Variants in PLA2G2F observed in about 807,000 individuals in gnomAD.
The protein encoded by PLA2G2F is phospholipase A2 group IIF, also known as group IIF secretory phospholipase A2.
A neutral mutation model predicts 15.9 loss-of-function variants in PLA2G2F; 17 were observed. That is an observed-to-expected ratio of 1.07 (90% CI 0.73 to 1.60). PLA2G2F has a LOEUF of 1.60. Ranked by LOEUF, PLA2G2F falls within the 40% of genes most tolerant of loss-of-function variation. The probability of loss-of-function intolerance (pLI) is 0.00; values close to 1 mark genes in which losing one functional copy is unlikely to be tolerated. For missense variants in PLA2G2F, 299 were observed against 278.2 expected, an observed-to-expected ratio of 1.07 and a Z score of -0.53; for synonymous variants, 119 against 106.5, an observed-to-expected ratio of 1.12 and a Z score of -0.72.
In PLA2G2F at chr1:20,143,675, G is replaced by C. The variant is rs1196813851; in HGVS notation, c.314+85G>C. The C allele has an allele frequency of 3.3e-6, 5 of 1,500,972 alleles. No individual in the cohort carries two copies. The Admixed American group carries it at 6.1e-5, about 18-fold the overall frequency. 93.0% of individuals were successfully genotyped at this position (1,500,972 alleles called of 1,614,324 possible). On this transcript the variant is annotated intron_variant, in intron 3 of 4. Transcript: ENST00000375102. The stretch of plus-strand genomic sequence containing the variant: ...CTGACCTTGCCCTCCATCCCTGAGT[G>C]GGGGAGACCTTCTTTCCCCAAAGGA...
At chr1:20,148,126 C>A in intron 4 of PLA2G2F, 64 bp from the exon 5 acceptor site, 1 of 1,317,156 alleles carries the variant, frequency 7.6e-7, no homozygotes. Flanking sequence ...CCTTCCCCAG[C>A]AGTAGTCCTG....
chr1:20,143,397 C>G (rs574751791), intron 2 of PLA2G2F, 49 bp from the exon 3 acceptor site: 6 of 1,591,226 alleles, frequency 3.8e-6, no homozygotes, highest in Admixed American at 1.7e-5. Context: ...AGGCTGGGAG[C>G]GGCCAGCCCC....
rs1278447696 is a variant in PLA2G2F, at chr1:20,140,236, A to G, written c.169+18A>G. The G allele has an allele frequency of 6.2e-7, 1 of 1,612,224 alleles. No homozygotes were observed. Among genetic ancestry groups the G allele is most frequent in the Non-Finnish European group, 8.5e-7 (1 of 1,178,960 alleles). On this transcript the variant is annotated intron_variant, in intron 2 of 4. Coordinates refer to ENST00000375102, the MANE Select transcript of PLA2G2F (RefSeq NM_022819.4). Reference sequence around the variant, plus strand: ...TGGCAGCGGTGAGTAAAGACTCCAGAGGGCTCCTCCTTCTCTCCCACTCCC... The same window carrying G: ...TGGCAGCGGTGAGTAAAGACTCCAGGGGGCTCCTCCTTCTCTCCCACTCCC...
chr1:20,139,606 T>C, intron 1 of PLA2G2F, 63 bp downstream of exon 1: 2 of 1,244,584 alleles, frequency 1.6e-6, no homozygotes, highest in Non-Finnish European at 2.2e-6. Context: ...CGTGAGGGAC[T>C]GGCTCCTAGA....
At chr1:20,143,655 C>T (rs6657574) in intron 3 of PLA2G2F, 65 bp downstream of exon 3, 225,105 of 1,571,670 alleles carry the variant, frequency 0.14, 17,263 homozygotes, top group Non-Finnish European at 0.16. Context: ...TCAGACTGAC[C>T]TTGCCCTCCA....
rs1245665517 is a variant in PLA2G2F, at chr1:20,141,991, G to A, written c.170-1455G>A. On this transcript the variant is annotated intron_variant, in intron 2 of 4. Coordinates refer to ENST00000375102, the MANE Select transcript of PLA2G2F (RefSeq NM_022819.4). ...CCAGATTCAATGCTCTTCCCACTAA[G>A]GCACATTGAGGTGGTGAGTTCCCTG... 4 of 152,364 alleles carry A rather than the reference G, an allele frequency of 2.6e-5. No homozygotes were observed. The East Asian group carries it at 7.7e-4, about 29-fold the overall frequency. The allele number at this position is 152,364 out of a possible 1,614,324, so 9.4% of individuals were successfully genotyped here. A position where few individuals can be genotyped will look rare whatever the true frequency, so the allele number is the denominator to read the frequency against.
Position 20,143,950 on chromosome 1 carries a change from G to A in PLA2G2F, c.314+360G>A, listed in dbSNP as rs1569897591. 4 of 211,264 alleles carry A rather than the reference G, an allele frequency of 1.9e-5. No individual in the cohort carries two copies. In the South Asian group the frequency reaches 3.5e-4, roughly 19 times the overall value. The allele number at this position is 211,264 out of a possible 1,614,324, so 13.1% of individuals were successfully genotyped here. Reference sequence around the variant, plus strand: ...CTCACACTGGAGGCTCTGGAAGACAGGACCATGCCTCCTCCATCAGACTGT... The same window carrying A: ...CTCACACTGGAGGCTCTGGAAGACAAGACCATGCCTCCTCCATCAGACTGT... On this transcript the variant is annotated intron_variant, in intron 3 of 4. Transcript: ENST00000375102.
At chr1:20,144,809 G>C (rs1045161975) in intron 4 of PLA2G2F, 120 bp downstream of exon 4, 3 of 837,400 alleles carry the variant, frequency 3.6e-6, no homozygotes, top group Admixed American at 2.2e-5. Context: ...GGGTGCGGTG[G>C]CTCATGCCTG....
At chr1:20,144,750 G>A (rs1306306770) in intron 4 of PLA2G2F, 61 bp downstream of exon 4, 2 of 1,363,576 alleles carry the variant, frequency 1.5e-6, no homozygotes, top group Admixed American at 2.0e-5. Context: ...CTACCAGCCT[G>A]TGCTGGGATG....
rs1026858964 is a variant in PLA2G2F at position 20,148,969 on chromosome 1, C to T, written c.*568C>T. The T allele has an allele frequency of 6.3e-6, 1 of 158,910 alleles. No homozygotes were observed. The highest frequency in any genetic ancestry group is 1.4e-5 in the Non-Finnish European group (1 of 71,882). 9.8% of individuals were successfully genotyped at this position (158,910 alleles called of 1,614,324 possible). On this transcript the variant is annotated 3_prime_UTR_variant, in exon 5 of 5. Transcript: ENST00000375102. The stretch of plus-strand genomic sequence containing the variant: ...AGCAGGTGCCCCACCCCAGCCCTCA[C>T]TGAGGTGGCCATGAGTCCAGGTTCA...
At chr1:20,144,751 T>A in intron 4 of PLA2G2F, 62 bp downstream of exon 4, 1 of 1,378,238 alleles carries the variant, frequency 7.3e-7, no homozygotes, top group Non-Finnish European at 1.0e-6. Flanking sequence ...TACCAGCCTG[T>A]GCTGGGATGG....
Position 20,140,601 on chromosome 1 carries a change from A to C in PLA2G2F, c.169+383A>C, listed in dbSNP as rs971997720. 71 of 210,370 alleles carry C rather than the reference A, an allele frequency of 3.4e-4. 1 individual carries two copies. Among genetic ancestry groups the C allele is most frequent in the Admixed American group, 6.9e-4 (13 of 18,966 alleles). 13.0% of individuals were successfully genotyped at this position (210,370 alleles called of 1,614,324 possible). A position where few individuals can be genotyped will look rare whatever the true frequency, so the allele number is the denominator to read the frequency against. ...TGTGTCTGAGCATGTGATGATGTCT[A>C]TGTGTGCAACATGCATCCATAAAGT... On this transcript the variant is annotated intron_variant, in intron 2 of 4. Transcript: ENST00000375102.
chr1:20,140,166 G>T lies in PLA2G2F; in HGVS notation c.117G>T (p.Arg39Ser). The change falls in exon 2 of 5, where the codon AGG (arginine) becomes AGT (serine). Residue 39 changes from arginine (R) to serine (S), a missense_variant and splice_region_variant. Coordinates refer to ENST00000375102, the MANE Select transcript of PLA2G2F (RefSeq NM_022819.4). ...FGASCPSRTS[R>S]SSLGMKKFFT... ...AGCTCCGGGTTTCGTCCTCCCTCAG[G>T]TCTAGCCTGGGTATGAAGAAGTTCT... 2 of 1,613,856 alleles carry T rather than the reference G, an allele frequency of 1.2e-6. No individual in the cohort carries two copies. The highest frequency in any genetic ancestry group is 1.7e-6 in the Non-Finnish European group (2 of 1,179,824).
At chr1:20,143,675 G>T (rs1196813851) in intron 3 of PLA2G2F, 85 bp downstream of exon 3, 11 of 1,500,856 alleles carry the variant, frequency 7.3e-6, no homozygotes, top group South Asian at 5.1e-5. Flanking sequence ...ATCCCTGAGT[G>T]GGGGAGACCT....
At chr1:20,146,881 C>T (rs1359238677) in intron 4 of PLA2G2F, among the ~76,000 whole-genome samples, 2 of 152,264 alleles carry the variant, frequency 1.3e-5, no homozygotes, top group African/African-American at 4.8e-5. Context: ...GGGTAACAGA[C>T]GAACTTAAAG....
At chr1:20,139,793 A>G (rs1396217071) in intron 1 of PLA2G2F, among the ~76,000 whole-genome samples, 1 of 152,192 alleles carries the variant, frequency 6.6e-6, no homozygotes, top group Non-Finnish European at 1.5e-5. Flanking sequence ...CCAGGGACCT[A>G]GGACTCCTGG....
In PLA2G2F at chr1:20,143,463, G is replaced by A. The variant is rs757397635; in HGVS notation, c.187G>A (p.Gly63Ser). ...TCTTGCAGTTCTGTCCACAGCTCACGGCAGCCTGCTCAACCTGAAGGCCAT... is the reference window on the plus strand; with the variant it reads ...TCTTGCAGTTCTGTCCACAGCTCACAGCAGCCTGCTCAACCTGAAGGCCAT... ...LAGSVLSTAHGSLLNLKAMVE... is the reference protein window; with the variant it reads ...LAGSVLSTAHSSLLNLKAMVE... Residue 63 changes from glycine (G) to serine (S), a missense_variant, in exon 3 of 5, where the codon GGC becomes AGC. Gly to Ser is a moderately conservative substitution (Grantham distance 56, BLOSUM62 0). Coordinates refer to ENST00000375102, the MANE Select transcript of PLA2G2F (RefSeq NM_022819.4). 35 of 1,613,838 alleles carry A rather than the reference G, an allele frequency of 2.2e-5. No individual in the cohort carries two copies. The African/African-American group carries it at 2.8e-4, about 13-fold the overall frequency.
chr1:20,148,924 C>T lies in PLA2G2F; in HGVS notation c.*523C>T, dbSNP rs1569905461. 6.1e-6 allele frequency: 1 copy of T among 163,566 alleles called. No individual in the cohort carries two copies. Among genetic ancestry groups the T allele is most frequent in the African/African-American group, 2.4e-5 (1 of 41,558 alleles). The allele number at this position is 163,566 out of a possible 1,614,324, so 10.1% of individuals were successfully genotyped here. ...TGGTGGCTACTTTGGGCTTGAAGCTCTCTAGAGCCCCATTCACAGAGCAGG... is the reference window on the plus strand; with the variant it reads ...TGGTGGCTACTTTGGGCTTGAAGCTTTCTAGAGCCCCATTCACAGAGCAGG... On this transcript the variant is annotated 3_prime_UTR_variant, in exon 5 of 5. Transcript: ENST00000375102.
intron 4 of PLA2G2F, among the ~76,000 whole-genome samples, chr1:20,145,147 A>G (rs2017562167): frequency 6.6e-6 from 1 of 152,162 alleles, no homozygotes; most frequent in African/African-American, 2.4e-5. Flanking sequence ...TAGCTATACA[A>G]TGAAAAATGT....
Sources: gnomAD v4.1 joint callset for allele counts (sites outside exome capture counted in the v4.1 genomes callset) on GRCh38, gnomAD v4.1.1 for gene constraint, MANE v1.5 for transcripts, NCBI Gene and HGNC (gene_info 2026-07-23, HGNC 2026-07-21) for gene names.